The following MINDY2 variants were observed in gnomAD, a reference collection of about 807,000 sequenced individuals.
MINDY2 encodes the protein MINDY lysine 48 deubiquitinase 2, also known as ubiquitin carboxyl-terminal hydrolase MINDY-2.
MINDY2 carries 52 observed loss-of-function variants against 68.2 expected under a neutral mutation model. The observed-to-expected ratio is 0.76, with a 90% CI of 0.61 to 0.96. The LOEUF (loss-of-function observed/expected upper bound fraction) is 0.96. Ranked by LOEUF, MINDY2 falls within the 40% of genes least tolerant of loss-of-function variation. The probability of loss-of-function intolerance (pLI) is 0.00; values close to 1 mark genes in which losing one functional copy is unlikely to be tolerated. For synonymous variants in MINDY2, 372 were observed against 303.0 expected (o/e 1.23, Z -2.36); for missense variants, 881 against 773.4 (o/e 1.14, Z -1.65).
chr15:58,841,639 A>G (rs1355699222), intron 6 of MINDY2, among the ~76,000 whole-genome samples: 1 of 152,042 alleles, frequency 6.6e-6, no homozygotes, highest in Non-Finnish European at 1.5e-5. Flanking sequence ...TCCTGACCTC[A>G]GGTGATCCAC....
In MINDY2 at chr15:58,772,117, C is replaced by G. The variant is rs1167356828; in HGVS notation, c.722C>G (p.Ser241Cys). 1.2e-6 allele frequency: 2 copies of G among 1,614,056 alleles called. No homozygotes were observed. The highest frequency in any genetic ancestry group is 1.7e-6 in the Non-Finnish European group (2 of 1,179,948). ...AASKERFPGQ[S>C]VYHIKWIQWK... ...TCCAAGGAACGCTTCCCGGGACAAT[C>G]TGTGTATCACATCAAGTGGATCCAG... is the stretch of plus-strand genomic sequence containing the variant. The change falls in exon 1 of 9, where the codon TCT becomes TGT. Residue 241 changes from serine (S) to cysteine (C), a missense_variant. Physicochemically the swap from Ser to Cys is moderately radical, Grantham distance 112. Coordinates refer to ENST00000559228, the MANE Select transcript of MINDY2 (RefSeq NM_001040450.3).
At chr15:58,791,255 A>ATATATC (rs1567043814) in intron 2 of MINDY2, among the ~76,000 whole-genome samples, 1 of 125,718 alleles carries the variant, frequency 8.0e-6, no homozygotes, top group Non-Finnish European at 1.7e-5. Context: ...ATATATATAT[A>ATATATC]TCTTGAGTTC....
rs189941478 is a variant in MINDY2 at position 58,855,319 on chromosome 15, T to G, written c.*709T>G. 119 of 152,722 alleles carry G rather than the reference T, an allele frequency of 7.8e-4. No individual in the cohort carries two copies. The highest frequency in any genetic ancestry group is 2.8e-3 in the African/African-American group (115 of 41,580). 9.5% of individuals were successfully genotyped at this position (152,722 alleles called of 1,614,324 possible). On this transcript the variant is annotated 3_prime_UTR_variant, in exon 9 of 9. Coordinates refer to ENST00000559228, the MANE Select transcript of MINDY2 (RefSeq NM_001040450.3). ...TATCAATATCAGATATTAATGACTT[T>G]GTAGTGTTGTAAAATTTTGAGGAAT...
intron 4 of MINDY2, among the ~76,000 whole-genome samples, chr15:58,813,243 T>A (rs2030425704): frequency 6.6e-6 from 1 of 152,074 alleles, no homozygotes; most frequent in African/African-American, 2.4e-5. Flanking sequence ...GCCTGTAATC[T>A]CAGCACTTTG....
chr15:58,837,667 TC>T (rs1480942073), intron 6 of MINDY2, among the ~76,000 whole-genome samples: 1 of 152,046 alleles, frequency 6.6e-6, no homozygotes, highest in Non-Finnish European at 1.5e-5. Context: ...TTGAGGGACA[TC>T]TTATGCATTC....
chr15:58,810,890 A>G (rs1230659286), intron 4 of MINDY2, among the ~76,000 whole-genome samples: 2 of 152,226 alleles, frequency 1.3e-5, no homozygotes, highest in East Asian at 3.8e-4. Context: ...GAAAATATGC[A>G]TGGAGTGCTG....
chr15:58,774,644 G>C lies in MINDY2; in HGVS notation c.840+2409G>C, dbSNP rs556627606. On this transcript the variant is annotated intron_variant, in intron 1 of 8. Transcript: ENST00000559228. ...ATGCTATGGAAGTGCAGAGAAAACG[G>C]TAATTGGGGAGGGGATTATCAAGGG... 2.2e-4 allele frequency among the ~76,000 whole-genome samples: 33 copies of C among 152,172 alleles called. 1 individual carries two copies. Among genetic ancestry groups the C allele is most frequent in the African/African-American group, 7.5e-4 (31 of 41,524 alleles).
chr15:58,829,431 C>T (rs1401720364), intron 5 of MINDY2, among the ~76,000 whole-genome samples: 1 of 152,070 alleles, frequency 6.6e-6, no homozygotes, highest in Non-Finnish European at 1.5e-5. Flanking sequence ...GTTTGATGTC[C>T]TTGGGCAAGT....
intron 3 of MINDY2, among the ~76,000 whole-genome samples, chr15:58,803,468 TA>T (rs542134628): frequency 3.9e-3 from 481 of 122,748 alleles, no homozygotes; most frequent in Admixed American, 4.6e-3. Context: ...CTCTGTCTCA[TA>T]AAAAAAAAAA....
intron 1 of MINDY2, among the ~76,000 whole-genome samples, chr15:58,775,070 T>C (rs955236732): frequency 2.0e-5 from 3 of 152,248 alleles, no homozygotes; most frequent in African/African-American, 4.8e-5. Flanking sequence ...AAGTCAAAGC[T>C]ATTTTTATGA....
chr15:58,793,108 G>C (rs1902049759), intron 2 of MINDY2, among the ~76,000 whole-genome samples: 1 of 152,192 alleles, frequency 6.6e-6, no homozygotes. Context: ...AATGGGGGTT[G>C]ACTGCTAATG....
At chr15:58,850,360 C>T (rs1270086420) in intron 7 of MINDY2, among the ~76,000 whole-genome samples, 19 of 152,038 alleles carry the variant, frequency 1.2e-4, no homozygotes. Flanking sequence ...ACTTTTATGA[C>T]ACTAAGTGGA....
chr15:58,807,353 C>CTTTT (rs58768604), intron 3 of MINDY2, among the ~76,000 whole-genome samples: 143 of 109,008 alleles, frequency 1.3e-3, no homozygotes, highest in East Asian at 4.7e-3. Flanking sequence ...TTAAAATAGT[C>CTTTT]TTTTTTTTTT....
Position 58,810,270 on chromosome 15 carries a change from C to G in MINDY2, c.1004C>G (p.Thr335Arg), listed in dbSNP as rs1169761376. ...DAMAILHKLQ[T>R]GLDVNVRFTG... The stretch of plus-strand genomic sequence containing the variant: ...ATGGCAATTTTGCACAAACTACAGA[C>G]AGGCCTGGATGTAAATGTAAGATTC... Residue 335 changes from threonine (T) to arginine (R), a missense_variant, in exon 4 of 9, where the codon ACA (threonine) becomes AGA (arginine). Coordinates refer to ENST00000559228, the MANE Select transcript of MINDY2 (RefSeq NM_001040450.3). 1 of 1,613,200 alleles carries G rather than the reference C, an allele frequency of 6.2e-7. No homozygotes were observed. The highest frequency in any genetic ancestry group is 8.5e-7 in the Non-Finnish European group (1 of 1,179,756).
chr15:58,817,438 G>A (rs1351533323), intron 4 of MINDY2, among the ~76,000 whole-genome samples: 1 of 152,096 alleles, frequency 6.6e-6, no homozygotes, highest in East Asian at 1.9e-4. Context: ...AAGTCTGATG[G>A]TATTACGTTG....
intron 4 of MINDY2, 68 bp downstream of exon 4, chr15:58,810,456 C>A (rs2030156741): frequency 7.4e-7 from 1 of 1,348,584 alleles, no homozygotes; most frequent in Non-Finnish European, 9.9e-7. Flanking sequence ...GCAAATTAAT[C>A]TCAATTTATA....
chr15:58,834,425 C>T (rs1196606912), intron 6 of MINDY2, among the ~76,000 whole-genome samples: 1 of 152,148 alleles, frequency 6.6e-6, no homozygotes, highest in Non-Finnish European at 1.5e-5. Flanking sequence ...TCTCCTCAAA[C>T]CAGTGGTTCT....
At chr15:58,801,624 A>T (rs550501335) in intron 2 of MINDY2, among the ~76,000 whole-genome samples, 63 of 152,104 alleles carry the variant, frequency 4.1e-4, no homozygotes, top group African/African-American at 1.5e-3. Context: ...TAAAAATACC[A>T]TCTTTTTAAA....
chr15:58,823,160 G>T (rs1463081565), intron 5 of MINDY2, among the ~76,000 whole-genome samples: 7 of 139,108 alleles, frequency 5.0e-5, no homozygotes, highest in African/African-American at 1.1e-4. Flanking sequence ...TTTTTGATAC[G>T]GAGTTTCACT....
Sources: gnomAD v4.1 joint callset for allele counts (sites outside exome capture counted in the v4.1 genomes callset) on GRCh38, gnomAD v4.1.1 for gene constraint, MANE v1.5 for transcripts, NCBI Gene and HGNC (gene_info 2026-07-23, HGNC 2026-07-21) for gene names.